Variants in PDLIM5 observed in about 807,000 individuals in gnomAD.
The protein encoded by PDLIM5 is PDZ and LIM domain protein 5.
A neutral mutation model predicts 64.2 loss-of-function variants in PDLIM5; 34 were observed. The ratio of observed to expected loss-of-function variants is 0.53; its 90% confidence interval spans 0.40 to 0.71. The LOEUF is 0.71. Ranked by LOEUF, PDLIM5 falls within the 30% of genes least tolerant of loss-of-function variation. The pLI, the probability that PDLIM5 is intolerant of heterozygous loss-of-function variation, is 0.00. For missense variants in PDLIM5, 683 were observed against 733.6 expected (o/e 0.93, Z 0.80); for synonymous variants, 253 against 269.1 (o/e 0.94, Z 0.59).
chr4:94,582,653 G>C, intron 5 of PDLIM5: 1 of 1,007,890 alleles, frequency 9.9e-7, no homozygotes, highest in Non-Finnish European at 1.5e-6. Flanking sequence ...TTCATCTTCC[G>C]GGGAACATCA....
intron 3 of PDLIM5, among the ~76,000 whole-genome samples, chr4:94,542,649 A>G (rs970586572): frequency 6.6e-6 from 1 of 152,172 alleles, no homozygotes; most frequent in Admixed American, 6.6e-5. Flanking sequence ...TACACAAGCA[A>G]TATTTCACTT....
intron 2 of PDLIM5, among the ~76,000 whole-genome samples, chr4:94,471,576 C>T (rs1248568916): frequency 2.0e-5 from 3 of 152,062 alleles, no homozygotes; most frequent in Non-Finnish European, 2.9e-5. Flanking sequence ...GAACTGTATT[C>T]TACATGCTGT....
chr4:94,475,145 CTTTT>C (rs755044470), intron 2 of PDLIM5, among the ~76,000 whole-genome samples: 1 of 145,744 alleles, frequency 6.9e-6, no homozygotes, highest in Admixed American at 6.9e-5. Context: ...CCTCCCCCGC[CTTTT>C]TTTTTTTACC....
intron 2 of PDLIM5, among the ~76,000 whole-genome samples, chr4:94,477,832 T>A: frequency 6.6e-6 from 1 of 152,146 alleles, no homozygotes; most frequent in Middle Eastern, 3.2e-3. Flanking sequence ...CCTCCTCTCC[T>A]CCTCAGACTA....
intron 2 of PDLIM5, among the ~76,000 whole-genome samples, chr4:94,515,012 A>T (rs903627509): frequency 5.3e-5 from 8 of 152,358 alleles, no homozygotes; most frequent in Non-Finnish European, 7.4e-5. Context: ...AACAACAAAA[A>T]AATTAGGAAG....
chr4:94,609,283 T>C (rs900682149), intron 7 of PDLIM5, among the ~76,000 whole-genome samples: 3 of 152,168 alleles, frequency 2.0e-5, no homozygotes, highest in African/African-American at 7.2e-5. Flanking sequence ...GAAGAGAGAC[T>C]ACAAGTTTCA....
At position 94,654,587 on chromosome 4, in the gene PDLIM5, T is replaced by C. The variant is rs1742072492; in HGVS notation, c.1411T>C (p.Tyr471His). ...AGGAGCCCTGTATTGTGAGCTGTGCTATGAGAAATTCTTTGCCCCTGAATG... is the reference window on the plus strand; with the variant it reads ...AGGAGCCCTGTATTGTGAGCTGTGCCATGAGAAATTCTTTGCCCCTGAATG... ...EKGALYCELC[Y>H]EKFFAPECGR... The change falls in exon 10 of 13, where the codon TAT (tyrosine) becomes CAT (histidine). Residue 471 changes from tyrosine (Y) to histidine (H), a missense_variant. Coordinates refer to ENST00000317968, the MANE Select transcript of PDLIM5 (RefSeq NM_006457.5). 1.2e-6 allele frequency: 2 copies of C among 1,612,848 alleles called. No homozygotes were observed. Among genetic ancestry groups the C allele is most frequent in the Non-Finnish European group, 1.7e-6 (2 of 1,178,814 alleles).
intron 3 of PDLIM5, among the ~76,000 whole-genome samples, chr4:94,568,795 A>G (rs1028510850): frequency 2.0e-5 from 3 of 152,216 alleles, no homozygotes; most frequent in African/African-American, 4.8e-5. Context: ...GATATATAAA[A>G]CACTTATTCT....
At chr4:94,547,681 T>G (rs755480605) in intron 3 of PDLIM5, among the ~76,000 whole-genome samples, 1 of 152,232 alleles carries the variant, frequency 6.6e-6, no homozygotes, top group Non-Finnish European at 1.5e-5. Context: ...GGGTAAATTA[T>G]GTATACTGAA....
At chr4:94,614,964 A>C (rs1194120835) in intron 7 of PDLIM5, among the ~76,000 whole-genome samples, 2 of 152,174 alleles carry the variant, frequency 1.3e-5, no homozygotes, top group African/African-American at 4.8e-5. Flanking sequence ...TTATTTAGTA[A>C]ATGTACTTAT....
At chr4:94,640,111 A>G (rs1740878917) in intron 8 of PDLIM5, among the ~76,000 whole-genome samples, 165 bp from the exon 9 acceptor site, 1 of 152,190 alleles carries the variant, frequency 6.6e-6, no homozygotes, top group African/African-American at 2.4e-5. Flanking sequence ...CCATTTACCT[A>G]CATAGTCACA....
At chr4:94,537,621 C>A (rs1731425484) in intron 3 of PDLIM5, among the ~76,000 whole-genome samples, 1 of 151,980 alleles carries the variant, frequency 6.6e-6, no homozygotes, top group Admixed American at 6.6e-5. Flanking sequence ...GTAAGTAAAG[C>A]ATATTAAAGA....
rs1280854804 is a variant in PDLIM5, at chr4:94,587,324, T to C, written c.920+880T>C. The C allele has an allele frequency of 7.0e-6, 9 of 1,277,762 alleles. No individual in the cohort carries two copies. The African/African-American group carries it at 1.4e-4, about 20-fold the overall frequency. 79.2% of individuals were successfully genotyped at this position (1,277,762 alleles called of 1,614,324 possible). ...TAGAAAATTAAGGGACTAGATCTAT[T>C]TGTGGATTTGTATCTGTTTTTGTTG... On this transcript the variant is annotated intron_variant, in intron 7 of 12. Coordinates refer to ENST00000317968, the MANE Select transcript of PDLIM5 (RefSeq NM_006457.5).
At chr4:94,642,724 C>A (rs1741092865) in intron 9 of PDLIM5, among the ~76,000 whole-genome samples, 1 of 151,724 alleles carries the variant, frequency 6.6e-6, no homozygotes, top group Non-Finnish European at 1.5e-5. Context: ...AGTTCAGAGG[C>A]CTAGTCAAAG....
At chr4:94,648,596 G>C (rs1303858385) in intron 9 of PDLIM5, among the ~76,000 whole-genome samples, 7 of 152,160 alleles carry the variant, frequency 4.6e-5, no homozygotes, top group African/African-American at 1.7e-4. Context: ...CACCGCACCC[G>C]GCCAGTGTCC....
intron 9 of PDLIM5, among the ~76,000 whole-genome samples, chr4:94,650,668 C>CA (rs1335378792): frequency 6.6e-6 from 1 of 152,148 alleles, no homozygotes; most frequent in Non-Finnish European, 1.5e-5. Flanking sequence ...CAAAGAGCAG[C>CA]AAAAAATAAG....
At chr4:94,577,258 C>T (rs1163588195) in intron 5 of PDLIM5, 8 of 456,846 alleles carry the variant, frequency 1.8e-5, no homozygotes, top group Non-Finnish European at 3.1e-5. Context: ...TAGGTCCATT[C>T]TCTGAGATAA....
Position 94,453,865 on chromosome 4 carries a change from T to C in PDLIM5, c.-42-1382T>C, listed in dbSNP as rs901866800. 1.3e-4 allele frequency among the ~76,000 whole-genome samples: 20 copies of C among 152,208 alleles called. 1 individual carries two copies. The highest frequency in any genetic ancestry group is 4.6e-4 in the African/African-American group (19 of 41,444). ...TTACTTCATTACTGAAGTAATGTGT[T>C]ATTGCCTTGTAGTTCAGTATACTAC... On this transcript the variant is annotated intron_variant, in intron 1 of 12. Transcript: ENST00000317968.
intron 2 of PDLIM5, among the ~76,000 whole-genome samples, chr4:94,485,158 A>G (rs1726201776): frequency 6.6e-6 from 1 of 152,332 alleles, no homozygotes; most frequent in Middle Eastern, 3.4e-3. Context: ...TACATGTGTA[A>G]TGGATATCTG....
Sources: gnomAD v4.1 joint callset for allele counts (sites outside exome capture counted in the v4.1 genomes callset) on GRCh38, gnomAD v4.1.1 for gene constraint, MANE v1.5 for transcripts, NCBI Gene and HGNC (gene_info 2026-07-23, HGNC 2026-07-21) for gene names.